The following NEDD9 variants were observed in gnomAD, a reference collection of about 807,000 sequenced individuals.
NEDD9 encodes neural precursor cell expressed, developmentally down-regulated 9, also known as enhancer of filamentation 1.
A neutral mutation model predicts 76.6 loss-of-function variants in NEDD9; 26 were observed. The observed-to-expected ratio is 0.34, with a 90% CI of 0.25 to 0.47. The LOEUF (loss-of-function observed/expected upper bound fraction) is 0.47. Ranked by LOEUF, NEDD9 falls within the 20% of genes least tolerant of loss-of-function variation. The pLI is 1.00. For missense variants in NEDD9, 937 were observed against 1,058.5 expected (o/e 0.89, Z 1.59); for synonymous variants, 392 against 414.2 (o/e 0.95, Z 0.65).
At chr6:11,377,603 T>C (rs1762988731) in intron 1 of NEDD9, among the ~76,000 whole-genome samples, 1 of 152,244 alleles carries the variant, frequency 6.6e-6, no homozygotes, top group African/African-American at 2.4e-5. Flanking sequence ...ACCTTGGAAG[T>C]AACTAACTTG....
At chr6:11,227,059 G>T (rs891334097) in intron 1 of NEDD9, among the ~76,000 whole-genome samples, 1 of 152,076 alleles carries the variant, frequency 6.6e-6, no homozygotes, top group African/African-American at 2.4e-5. Context: ...TATACATTTT[G>T]TCTTCTATGA....
intron 3 of NEDD9, among the ~76,000 whole-genome samples, chr6:11,261,419 G>T (rs975670152): frequency 6.6e-6 from 1 of 152,186 alleles, no homozygotes; most frequent in Admixed American, 6.5e-5. Flanking sequence ...ATCAGTCATA[G>T]AGGTAAAACA....
At chr6:11,196,600 C>A (rs889932416) in intron 2 of NEDD9, among the ~76,000 whole-genome samples, 4 of 152,142 alleles carry the variant, frequency 2.6e-5, no homozygotes, top group African/African-American at 9.7e-5. Flanking sequence ...TTTTTTAAAA[C>A]TCTGCATTCC....
chr6:11,243,848 C>T (rs1490879649), intron 3 of NEDD9, among the ~76,000 whole-genome samples: 1 of 152,194 alleles, frequency 6.6e-6, no homozygotes, highest in Admixed American at 6.5e-5. Flanking sequence ...TTTTCTACTG[C>T]ACCTAAATAT....
intron 1 of NEDD9, among the ~76,000 whole-genome samples, chr6:11,374,066 C>CTATATA (rs35562815): frequency 4.7e-5 from 7 of 149,672 alleles, no homozygotes; most frequent in African/African-American, 1.7e-4. Flanking sequence ...CTCTCTCTCT[C>CTATATA]TATATATATA....
chr6:11,263,469 T>C (rs997587400), intron 3 of NEDD9, among the ~76,000 whole-genome samples: 2 of 151,906 alleles, frequency 1.3e-5, no homozygotes, highest in African/African-American at 4.8e-5. Flanking sequence ...AAAAAAACCC[T>C]CCCAGGAGTG....
intron 3 of NEDD9, among the ~76,000 whole-genome samples, chr6:11,292,249 A>G (rs1760796229): frequency 6.6e-6 from 1 of 152,206 alleles, no homozygotes; most frequent in Non-Finnish European, 1.5e-5. Context: ...CCGGTGTTAA[A>G]TCAAGAAAAG....
intron 3 of NEDD9, chr6:11,305,383 T>C: frequency 3.5e-6 from 1 of 285,482 alleles, no homozygotes; most frequent in Non-Finnish European, 6.9e-6. Context: ...TTCAGATCTT[T>C]GTGACCCTCA....
chr6:11,284,712 T>C (rs960226762), intron 3 of NEDD9, among the ~76,000 whole-genome samples: 2 of 151,260 alleles, frequency 1.3e-5, no homozygotes, highest in South Asian at 2.1e-4. Flanking sequence ...CTACCCTTTA[T>C]TGGATACTCA....
At chr6:11,235,937 T>C (rs988130187), upstream of NEDD9, among the ~76,000 whole-genome samples, 1 of 152,186 alleles carries the variant, frequency 6.6e-6, no homozygotes, top group African/African-American at 2.4e-5. This position sits in a 1 kb window ranked among gnomAD's most constrained non-coding sequence, Gnocchi z 4.1. Context: ...AATCTGTTTC[T>C]CTCCGGTTTG....
intron 1 of NEDD9, among the ~76,000 whole-genome samples, chr6:11,359,862 G>C (rs1762646656): frequency 6.6e-6 from 1 of 152,202 alleles, no homozygotes; most frequent in South Asian, 2.1e-4. Flanking sequence ...CAAGTCGTTT[G>C]AGACCTGTTT....
At chr6:11,302,551 G>A (rs1761077743) in intron 3 of NEDD9, among the ~76,000 whole-genome samples, 1 of 152,176 alleles carries the variant, frequency 6.6e-6, no homozygotes, top group African/African-American at 2.4e-5. Context: ...AAGCCTGGTA[G>A]AGACACAACA....
intron 1 of NEDD9, chr6:11,352,598 C>T (rs1249082447): frequency 2.6e-5 from 4 of 152,202 alleles, no homozygotes; most frequent in Admixed American, 1.3e-4. Context: ...GTCAGAAAGA[C>T]CAGAGTTTAA....
intron 1 of NEDD9, among the ~76,000 whole-genome samples, chr6:11,340,933 C>T (rs1235629869): frequency 6.6e-6 from 1 of 152,178 alleles, no homozygotes; most frequent in Non-Finnish European, 1.5e-5. Context: ...CCTCTCTGAC[C>T]TACTGTCCTA....
intron 2 of NEDD9, among the ~76,000 whole-genome samples, chr6:11,314,759 T>C (rs369228850): frequency 1.3e-5 from 2 of 152,198 alleles, no homozygotes; most frequent in South Asian, 2.1e-4. Flanking sequence ...GGAAGAACTG[T>C]GGCCTGCAAG....
At chr6:11,206,753 G>A (rs1758627951) in intron 2 of NEDD9, among the ~76,000 whole-genome samples, 1 of 152,224 alleles carries the variant, frequency 6.6e-6, no homozygotes, top group Non-Finnish European at 1.5e-5. Context: ...TAATTTTTAA[G>A]GAGGGGTGTT....
rs367626724 is a variant in NEDD9 at position 11,273,906 on chromosome 6, T to G, written c.12+32086A>C. Among the ~76,000 whole-genome samples the G allele has an allele frequency of 3.3e-4, 50 of 152,322 alleles. 1 individual carries two copies. The South Asian group carries it at 0.01, about 31-fold the overall frequency. On this transcript the variant is annotated intron_variant, in intron 3 of 3. Coordinates refer to the NEDD9 transcript ENST00000397378. The stretch of plus-strand genomic sequence containing the variant: ...AGGATTGGTTTCTTCTTCATTAGCA[T>G]TTTCCCAAGTCGAGCAAAGAAATGT...
rs750650242 is a variant in NEDD9, at chr6:11,190,392, C to G, written c.1477G>C (p.Glu493Gln). The G allele has an allele frequency of 1.2e-6, 2 of 1,614,026 alleles. No homozygotes were observed. Among genetic ancestry groups the G allele is most frequent in the East Asian group, 4.5e-5 (2 of 44,898 alleles). ...NKMKRELQRV[E>Q]DSHQILSQTS... ...TGACTCAGGATCTGGTGGGAGTCTT[C>G]AACTCGTTGCAGCTCCCGCTTCATC... The change falls in exon 5 of 7, where the codon GAA becomes CAA. Residue 493 changes from glutamate (E) to glutamine (Q), a missense_variant. Transcript: ENST00000379446. This position sits in a 1 kb window ranked among gnomAD's most constrained non-coding sequence, Gnocchi z 5.8.
chr6:11,226,024 T>C (rs528972065), intron 1 of NEDD9, among the ~76,000 whole-genome samples: 3 of 152,274 alleles, frequency 2.0e-5, no homozygotes, highest in African/African-American at 7.2e-5. Flanking sequence ...CATTGTTTGG[T>C]CAAACTGTCT....
Sources: allele counts gnomAD v4.1 joint callset (sites outside exome capture counted in the v4.1 genomes callset), GRCh38; gene constraint gnomAD v4.1.1; non-coding constraint Gnocchi (gnomAD v3.1); transcripts MANE v1.5; gene names NCBI Gene and HGNC (gene_info 2026-07-23, HGNC 2026-07-21).